CFI: variants seen among roughly 807,000 people sequenced by gnomAD.
CFI encodes C3B/C4B inactivator.
In CFI, 66 loss-of-function variants were observed where a neutral mutation model predicts 78.8. The ratio of observed to expected loss-of-function variants is 0.84; its 90% CI spans 0.69 to 1.03. CFI has a LOEUF of 1.03. Among genes scored for constraint, CFI ranks in the 50% least tolerant of loss-of-function variants. CFI has a pLI of 0.00. For synonymous variants in CFI, 250 were observed against 232.6 expected, an observed-to-expected ratio of 1.07 and a Z score of -0.68; for missense variants, 706 against 704.5, an observed-to-expected ratio of 1.00 and a Z score of -0.02.
At chr4:109,764,258 G>C (rs1727447709) in intron 3 of CFI, 1 of 485,952 alleles carries the variant, frequency 2.1e-6, no homozygotes, top group Non-Finnish European at 3.7e-6. Flanking sequence ...AGACGAGTAG[G>C]AGACAGACAG....
In CFI at chr4:109,749,524, A is replaced by T; in HGVS notation, c.1019T>A (p.Ile340Asn). 1.9e-6 allele frequency: 3 copies of T among 1,613,612 alleles called. No individual in the cohort carries two copies. The highest frequency in any genetic ancestry group is 2.5e-6 in the Non-Finnish European group (3 of 1,179,602). Reference sequence around the variant, plus strand: ...CAGTTGTGCTCGCTTTCCTCCCACAATTCGTTTCCTTCGAATGTGCATTCT... The same window carrying T: ...CAGTTGTGCTCGCTTTCCTCCCACATTTCGTTTCCTTCGAATGTGCATTCT... ...KNRMHIRRKR[I>N]VGGKRAQLGD... Residue 340 changes from isoleucine to asparagine, a missense_variant, in exon 9 of 13, where the codon ATT (isoleucine) becomes AAT (asparagine). Coordinates refer to ENST00000394634, the MANE Select transcript of CFI (RefSeq NM_000204.5).
At chr4:109,779,428 G>C (rs1451084373) in intron 1 of CFI, among the ~76,000 whole-genome samples, 1 of 152,066 alleles carries the variant, frequency 6.6e-6, no homozygotes, top group South Asian at 2.1e-4. Context: ...ACTTACAAGG[G>C]ATGTCAAGGA....
At chr4:109,783,904 G>C (rs1429906660) in intron 1 of CFI, among the ~76,000 whole-genome samples, 2 of 149,972 alleles carry the variant, frequency 1.3e-5, no homozygotes, top group Admixed American at 6.7e-5. Context: ...TGAGATTGGA[G>C]ACTATTGTTC....
chr4:109,759,731 C>T (rs1726789412), intron 6 of CFI, among the ~76,000 whole-genome samples: 1 of 151,960 alleles, frequency 6.6e-6, no homozygotes, highest in Non-Finnish European at 1.5e-5. Flanking sequence ...CCTGTCTCTA[C>T]TAAAATACAA....
intron 11 of CFI, among the ~76,000 whole-genome samples, chr4:109,744,581 C>T (rs527336856): frequency 1.3e-5 from 2 of 152,286 alleles, no homozygotes; most frequent in South Asian, 2.1e-4. Context: ...GCCTGCTCTA[C>T]CTGAGACTTT....
At chr4:109,789,491 T>A (rs1231040344) in intron 1 of CFI, among the ~76,000 whole-genome samples, 5 of 152,028 alleles carry the variant, frequency 3.3e-5, no homozygotes, top group Admixed American at 2.6e-4. Context: ...TCATCAATAA[T>A]GCAAATGCGA....
At chr4:109,737,928 T>C (rs748576959), downstream of CFI, among the ~76,000 whole-genome samples, 4 of 152,150 alleles carry the variant, frequency 2.6e-5, no homozygotes, top group Non-Finnish European at 5.9e-5. Context: ...CTCTGTCACA[T>C]AGAGTCGCTT....
At chr4:109,780,721 A>C (rs2125844611) in intron 1 of CFI, among the ~76,000 whole-genome samples, 1 of 152,342 alleles carries the variant, frequency 6.6e-6, no homozygotes, top group South Asian at 2.1e-4. Context: ...GGCACTATTC[A>C]CAATAGCAAA....
intron 1 of CFI, among the ~76,000 whole-genome samples, chr4:109,774,034 A>G (rs1391963398): frequency 6.6e-6 from 1 of 152,218 alleles, no homozygotes; most frequent in Admixed American, 6.5e-5. Flanking sequence ...AATATCAGAA[A>G]TTTTATTGAT....
intron 6 of CFI, among the ~76,000 whole-genome samples, chr4:109,759,606 T>C (rs187366890): frequency 4.8e-4 from 73 of 152,246 alleles, no homozygotes; most frequent in African/African-American, 1.7e-3. Flanking sequence ...AAATTTACTT[T>C]AAAATACTGC....
intron 11 of CFI, 40 bp from the exon 12 acceptor site, chr4:109,742,635 T>C (rs367700289): frequency 5.5e-6 from 7 of 1,267,620 alleles, no homozygotes; most frequent in Non-Finnish European, 8.1e-6. Flanking sequence ...AAGTCACAAA[T>C]GAGAAATCTA....
chr4:109,759,441 T>C (rs1214576282), intron 6 of CFI, among the ~76,000 whole-genome samples: 4 of 152,160 alleles, frequency 2.6e-5, no homozygotes, highest in Non-Finnish European at 5.9e-5. Context: ...AATTTGAACA[T>C]GGCTGTTATT....
At chr4:109,783,358 G>C (rs1259087834) in intron 1 of CFI, among the ~76,000 whole-genome samples, 1 of 152,038 alleles carries the variant, frequency 6.6e-6, no homozygotes, top group Non-Finnish European at 1.5e-5. Flanking sequence ...CAAAAAATGG[G>C]CTAGGGACAT....
At position 109,772,279 on chromosome 4, in the gene CFI, G is replaced by A. The variant is rs145381735; in HGVS notation, c.58-5455C>T. 3.1e-3 allele frequency among the ~76,000 whole-genome samples: 467 copies of A among 152,340 alleles called. 7 individuals are homozygous for A. Among genetic ancestry groups the A allele is most frequent in the African/African-American group, 0.011 (447 of 41,578 alleles). On this transcript the variant is annotated intron_variant, in intron 1 of 12. Transcript: ENST00000394634. ...CACATGTATCTCAACGTCTAGAACA[G>A]TGGTTGCCAAAATATGAGCTGATGA...
chr4:109,746,578 AT>A, intron 10 of CFI, 76 bp from the exon 11 acceptor site: 1 of 1,260,414 alleles, frequency 7.9e-7, no homozygotes, highest in Non-Finnish European at 1.1e-6. Context: ...TCACTTTTAT[AT>A]TTTTCCCTTT....
At chr4:109,749,744 A>G in intron 8 of CFI, 142 bp from the exon 9 acceptor site, 1 of 641,496 alleles carries the variant, frequency 1.6e-6, no homozygotes, top group South Asian at 1.8e-5. Flanking sequence ...ATTATTTTGA[A>G]TGCTAAACCA....
At chr4:109,765,040 C>T (rs17538277) in intron 2 of CFI, among the ~76,000 whole-genome samples, 6,177 of 152,282 alleles carry the variant, frequency 0.041, 180 homozygotes, top group South Asian at 0.1. Context: ...AGTCCATGCT[C>T]TCAAAAGTAA....
downstream of CFI, among the ~76,000 whole-genome samples, chr4:109,738,615 T>G (rs1723517243): frequency 6.6e-6 from 1 of 152,192 alleles, no homozygotes. Context: ...CAAAGCTGGG[T>G]TAGAGAAGGC....
downstream of CFI, among the ~76,000 whole-genome samples, chr4:109,739,989 A>G (rs1245433615): frequency 6.6e-6 from 1 of 152,180 alleles, no homozygotes; most frequent in African/African-American, 2.4e-5. Context: ...TTTTCAAGAA[A>G]TGTTAATACT....
Sources: gnomAD v4.1 joint callset for allele counts (sites outside exome capture counted in the v4.1 genomes callset) on GRCh38, gnomAD v4.1.1 for gene constraint, MANE v1.5 for transcripts, NCBI Gene and HGNC (gene_info 2026-07-23, HGNC 2026-07-21) for gene names.